The following MSRA variants were observed in gnomAD, a reference collection of about 807,000 sequenced individuals.
MSRA encodes the protein mitochondrial peptide methionine sulfoxide reductase.
MSRA carries 54 observed loss-of-function variants against 31.3 expected under a neutral mutation model. The observed-to-expected ratio is 1.73, with a 90% CI of 1.39 to 2.17. The LOEUF (loss-of-function observed/expected upper bound fraction) is 2.17, where lower values mean the gene tolerates loss of function less well. Ranked by LOEUF, MSRA falls within the 30% of genes most tolerant of loss-of-function variation. MSRA has a pLI of 0.00. For synonymous variants in MSRA, 169 were observed against 116.5 expected (o/e 1.45, Z -2.90); for missense variants, 507 against 300.9 (o/e 1.69, Z -5.07).
chr8:10,065,179 G>A (rs1797396900), intron 1 of MSRA, among the ~76,000 whole-genome samples: 1 of 152,102 alleles, frequency 6.6e-6, no homozygotes. Flanking sequence ...CGAGATGTGT[G>A]CATCAGCATG....
chr8:10,361,841 C>G (rs1465979859), intron 5 of MSRA, among the ~76,000 whole-genome samples: 1 of 152,144 alleles, frequency 6.6e-6, no homozygotes, highest in South Asian at 2.1e-4. Context: ...AAAATTTCAA[C>G]TTTTTGACAT....
chr8:10,404,744 G>C (rs1418029133), intron 5 of MSRA, among the ~76,000 whole-genome samples: 1 of 152,244 alleles, frequency 6.6e-6, no homozygotes, highest in Non-Finnish European at 1.5e-5. Context: ...GGGGCAGCCA[G>C]AGGGCTTATT....
intron 2 of MSRA, among the ~76,000 whole-genome samples, chr8:10,224,494 A>AG (rs1326045536): frequency 4.2e-5 from 3 of 71,790 alleles, no homozygotes; most frequent in Non-Finnish European, 1.4e-4. Flanking sequence ...TATTACCAGA[A>AG]GAAAAAAAAA....
chr8:10,146,356 C>T (rs1803146530), intron 1 of MSRA, among the ~76,000 whole-genome samples: 2 of 152,130 alleles, frequency 1.3e-5, no homozygotes, highest in Non-Finnish European at 1.5e-5. Context: ...AGAAAGACAT[C>T]CCCAGAAGGG....
At chr8:10,321,080 A>T (rs940349917) in intron 5 of MSRA, among the ~76,000 whole-genome samples, 1 of 152,216 alleles carries the variant, frequency 6.6e-6, no homozygotes, top group Non-Finnish European at 1.5e-5. Context: ...GTTCTCGGAA[A>T]TATATACATG....
intron 2 of MSRA, among the ~76,000 whole-genome samples, chr8:10,212,002 T>C (rs191622117): frequency 4.1e-4 from 62 of 152,182 alleles, no homozygotes; most frequent in Middle Eastern, 3.4e-3. Flanking sequence ...TTTGTGAAGA[T>C]TCTTGGTACA....
rs191338987 is a variant in MSRA, at chr8:10,082,839, G to A, written c.142+28181G>A. Among the ~76,000 whole-genome samples the A allele has an allele frequency of 3.8e-3, 580 of 152,326 alleles. 18 individuals are homozygous for A. The highest frequency in any genetic ancestry group is 3.3e-3 in the Non-Finnish European group (222 of 68,034). ...TTCACTCTATCACCTTATCCCTGGA[G>A]CACCCACCAAAGTGCCGTGAACAGA... On this transcript the variant is annotated intron_variant, in intron 1 of 5. Coordinates refer to ENST00000317173, the MANE Select transcript of MSRA (RefSeq NM_012331.5).
At chr8:10,122,682 C>T (rs1801214744) in intron 1 of MSRA, among the ~76,000 whole-genome samples, 1 of 152,072 alleles carries the variant, frequency 6.6e-6, no homozygotes, top group African/African-American at 2.4e-5. Flanking sequence ...CTTGTCCTTC[C>T]TCCTGCCCTC....
intron 1 of MSRA, among the ~76,000 whole-genome samples, chr8:10,113,896 A>C (rs1340317121): frequency 1.3e-5 from 2 of 152,192 alleles, no homozygotes; most frequent in African/African-American, 4.8e-5. Context: ...GGCCATCACC[A>C]CTGTCTAATT....
At chr8:10,291,894 A>C (rs2129117306) in intron 3 of MSRA, among the ~76,000 whole-genome samples, 1 of 152,216 alleles carries the variant, frequency 6.6e-6, no homozygotes, top group Middle Eastern at 3.4e-3. Context: ...TCTTACCTGG[A>C]CTCGGACTCT....
intron 1 of MSRA, among the ~76,000 whole-genome samples, chr8:10,127,167 C>G (rs578013671): frequency 1.2e-4 from 18 of 152,232 alleles, no homozygotes; most frequent in Admixed American, 7.8e-4. Flanking sequence ...GTTGAGATTG[C>G]CTAGAATTTT....
chr8:10,149,479 G>A (rs1357638572), intron 1 of MSRA, among the ~76,000 whole-genome samples: 1 of 152,194 alleles, frequency 6.6e-6, no homozygotes, highest in Non-Finnish European at 1.5e-5. Context: ...GGCCCCTCCA[G>A]GGCCTGTGCT....
At chr8:10,420,023 C>T (rs961821850) in intron 5 of MSRA, among the ~76,000 whole-genome samples, 2 of 152,120 alleles carry the variant, frequency 1.3e-5, no homozygotes, top group African/African-American at 4.8e-5. Flanking sequence ...TGTCATGTTC[C>T]CAGATGTGTA....
intron 4 of MSRA, among the ~76,000 whole-genome samples, chr8:10,318,128 A>G (rs1801832558): frequency 1.3e-5 from 2 of 152,206 alleles, no homozygotes; most frequent in Non-Finnish European, 2.9e-5. Flanking sequence ...ATTTTGCTGT[A>G]ACTTCTCATG....
intron 1 of MSRA, among the ~76,000 whole-genome samples, chr8:10,143,072 A>T (rs112343087): frequency 4.7e-4 from 71 of 152,318 alleles, no homozygotes; most frequent in African/African-American, 1.6e-3. Context: ...TGACTTCCCC[A>T]GTTCCCTCCA....
Position 10,074,721 on chromosome 8 carries a change from C to T in MSRA, c.142+20063C>T, listed in dbSNP as rs188912633. On this transcript the variant is annotated intron_variant, in intron 1 of 5. Coordinates refer to ENST00000317173, the MANE Select transcript of MSRA (RefSeq NM_012331.5). ...TTGCTGAGGCTGGAGTGCAGTAGTA[C>T]GACGCCTCCTCACAGCAACCTCTGC... is the stretch of plus-strand genomic sequence containing the variant. 3.8e-3 allele frequency among the ~76,000 whole-genome samples: 572 copies of T among 152,042 alleles called. 4 individuals carry two copies. The highest frequency in any genetic ancestry group is 0.012 in the African/African-American group (516 of 41,438).
intron 1 of MSRA, among the ~76,000 whole-genome samples, chr8:10,188,519 C>T (rs4841290): frequency 6.6e-6 from 1 of 152,204 alleles, no homozygotes; most frequent in African/African-American, 2.4e-5. Context: ...GAATGGGGAA[C>T]TGTATTCAGG....
chr8:10,358,477 C>A (rs1294784375), intron 5 of MSRA, among the ~76,000 whole-genome samples: 1 of 149,910 alleles, frequency 6.7e-6, no homozygotes, highest in Non-Finnish European at 1.5e-5. Flanking sequence ...GGCCTATGGC[C>A]TGTTAGGAAC....
At chr8:10,219,361 A>T (rs1297041913) in intron 2 of MSRA, among the ~76,000 whole-genome samples, 2 of 152,094 alleles carry the variant, frequency 1.3e-5, no homozygotes, top group Non-Finnish European at 2.9e-5. Context: ...ATCACTGCCA[A>T]ATTTTTGGGG....
Sources: allele counts gnomAD v4.1 joint callset (sites outside exome capture counted in the v4.1 genomes callset), GRCh38; gene constraint gnomAD v4.1.1; transcripts MANE v1.5; gene names NCBI Gene and HGNC (gene_info 2026-07-23, HGNC 2026-07-21).